Variants in COLGALT2 observed in about 807,000 individuals in gnomAD.
COLGALT2 encodes the protein collagen beta(1-O)galactosyltransferase 2.
COLGALT2 carries 49 observed loss-of-function variants against 73.4 expected under a neutral mutation model. That is an observed-to-expected ratio of 0.67 (90% CI 0.53 to 0.85). COLGALT2 has a LOEUF of 0.85. COLGALT2 is among the 40% of genes least tolerant of loss of function. COLGALT2 has a pLI of 0.00. For synonymous variants in COLGALT2, 295 were observed against 307.6 expected (o/e 0.96, Z 0.43); for missense variants, 722 against 790.2 (o/e 0.91, Z 1.03).
intron 7 of COLGALT2, 135 bp downstream of exon 7, chr1:183,954,627 C>T (rs749316096): frequency 7.3e-6 from 4 of 544,490 alleles, no homozygotes; most frequent in Non-Finnish European, 1.3e-5. Flanking sequence ...GTAGTTTTCC[C>T]AAGACCTCAG....
intron 1 of COLGALT2, among the ~76,000 whole-genome samples, chr1:183,990,656 T>G (rs1003696682): frequency 3.9e-5 from 6 of 151,960 alleles, no homozygotes; most frequent in African/African-American, 1.5e-4. Context: ...TGAGCAGACA[T>G]TAAGGGAAGG....
Position 183,938,408 on chromosome 1 carries a change from C to T in COLGALT2, c.*353G>A, listed in dbSNP as rs1340377444. The T allele has an allele frequency of 4.2e-5, 45 of 1,076,850 alleles. No homozygotes were observed. Among genetic ancestry groups the T allele is most frequent in the Non-Finnish European group, 4.7e-5 (42 of 887,062 alleles). 66.7% of individuals were successfully genotyped at this position (1,076,850 alleles called of 1,614,324 possible). A position where few individuals can be genotyped will look rare whatever the true frequency, so the allele number is the denominator to read the frequency against. On this transcript the variant is annotated 3_prime_UTR_variant, in exon 12 of 12. Coordinates refer to ENST00000361927, the MANE Select transcript of COLGALT2 (RefSeq NM_015101.4). The stretch of plus-strand genomic sequence containing the variant: ...CTACATATTTGCTGATGTGACAGCT[C>T]GGTGATCACTTTCTCTTGAACAAGA...
At position 184,037,078 on chromosome 1, in the gene COLGALT2, G is replaced by C. The variant is rs1209511073; in HGVS notation, c.263+17C>G. 1.3e-6 allele frequency: 2 copies of C among 1,539,638 alleles called. No homozygotes were observed. ...CCCGCGTCCCGCCGCGGCGGCCCGG[G>C]GCCCGTGCGCGCTCACCAGATGGCC... On this transcript the variant is annotated intron_variant, in intron 1 of 11. Transcript: ENST00000361927.
Position 184,037,599 on chromosome 1 carries a change from C to G in COLGALT2, c.-242G>C. ...AGCGTACCTGCAGCCGCTGGCGCTC[C>G]CCTGCGCCTCGGGCTCGCAGACAGT... On this transcript the variant is annotated 5_prime_UTR_variant, in exon 1 of 12. Coordinates refer to ENST00000361927, the MANE Select transcript of COLGALT2 (RefSeq NM_015101.4). 4.6e-6 allele frequency: 5 copies of G among 1,081,434 alleles called. No individual in the cohort carries two copies. Among genetic ancestry groups the G allele is most frequent in the Non-Finnish European group, 5.6e-6 (5 of 893,358 alleles). The allele number at this position is 1,081,434 out of a possible 1,614,324, so 67.0% of individuals were successfully genotyped here.
intron 1 of COLGALT2, among the ~76,000 whole-genome samples, chr1:183,984,598 G>T (rs1343678340): frequency 6.6e-6 from 1 of 152,192 alleles, no homozygotes; most frequent in Non-Finnish European, 1.5e-5. Context: ...CAGTGCTCAT[G>T]GTTGGCCACC....
intron 6 of COLGALT2, among the ~76,000 whole-genome samples, chr1:183,956,279 C>T (rs993254564): frequency 2.0e-5 from 3 of 152,326 alleles, no homozygotes; most frequent in Admixed American, 1.3e-4. Flanking sequence ...AATTCTAGAA[C>T]GTAGTGAGAC....
chr1:183,937,119 A>G lies in COLGALT2; in HGVS notation c.*1642T>C. 8.1e-7 allele frequency: 1 copy of G among 1,230,148 alleles called. No homozygotes were observed. The highest frequency in any genetic ancestry group is 1.0e-6 in the Non-Finnish European group (1 of 987,450). 76.2% of individuals were successfully genotyped at this position (1,230,148 alleles called of 1,614,324 possible). ...AAAGTGTATCTTACACTCGTACACT[A>G]AGCTTGTGTATGTAGCACCACCCGC... On this transcript the variant is annotated 3_prime_UTR_variant, in exon 12 of 12. Transcript: ENST00000361927.
intron 7 of COLGALT2, among the ~76,000 whole-genome samples, chr1:183,952,857 T>C (rs886142381): frequency 2.0e-5 from 3 of 152,212 alleles, no homozygotes; most frequent in Non-Finnish European, 4.4e-5. Context: ...CTTTATAACT[T>C]AATGGGTTGT....
Position 183,969,251 on chromosome 1 carries a change from A to G in COLGALT2, c.832+18T>C, listed in dbSNP as rs1164251067. The G allele has an allele frequency of 3.7e-6, 6 of 1,600,100 alleles. No individual in the cohort carries two copies. Among genetic ancestry groups the G allele is most frequent in the Admixed American group, 3.4e-5 (2 of 58,624 alleles). On this transcript the variant is annotated intron_variant, in intron 5 of 11. Coordinates refer to ENST00000361927, the MANE Select transcript of COLGALT2 (RefSeq NM_015101.4). ...GCTGTGTCTCCATTGTGGCACTACA[A>G]CCAAAGACAAACAGTACCTGCTTGC... is the stretch of plus-strand genomic sequence containing the variant.
chr1:183,962,781 C>T (rs1217875827), intron 6 of COLGALT2, among the ~76,000 whole-genome samples: 6 of 152,198 alleles, frequency 3.9e-5, no homozygotes, highest in Non-Finnish European at 8.8e-5. Flanking sequence ...GCATGCTCCA[C>T]CTACACTTTT....
chr1:183,946,888 G>A (rs775555964), intron 8 of COLGALT2, among the ~76,000 whole-genome samples: 3 of 152,080 alleles, frequency 2.0e-5, no homozygotes, highest in East Asian at 1.9e-4. Flanking sequence ...AAAATTAGCC[G>A]GCCATGGTGG....
intron 1 of COLGALT2, among the ~76,000 whole-genome samples, chr1:184,006,960 T>C (rs542044593): frequency 1.1e-3 from 169 of 152,346 alleles, no homozygotes; most frequent in African/African-American, 3.9e-3. Flanking sequence ...ACTTGGTTGT[T>C]CATTCTAGTT....
At chr1:184,027,802 C>G (rs1412828937) in intron 1 of COLGALT2, among the ~76,000 whole-genome samples, 2 of 152,178 alleles carry the variant, frequency 1.3e-5, no homozygotes, top group Admixed American at 1.3e-4. Context: ...TTATTAAAAT[C>G]TAACAAGATT....
Position 183,954,838 on chromosome 1 carries a change from A to G in COLGALT2, c.953T>C (p.Ile318Thr), listed in dbSNP as rs184755208. The G allele has an allele frequency of 1.6e-4, 261 of 1,611,070 alleles. No individual in the cohort carries two copies. In the Middle Eastern group the frequency reaches 1.7e-3, roughly 10 times the overall value. ...GGAGGGTTCCATTGGAGGACGGTCA[A>G]CTGGAAGACACAAGAAACATGCAGA... Reference protein sequence around the residue: ...NLIHVQIEAMIDRPPMEPSQY... With the variant: ...NLIHVQIEAMTDRPPMEPSQY... Residue 318 changes from isoleucine (I) to threonine (T), a missense_variant and splice_region_variant, in exon 7 of 12, where the codon ATT becomes ACT. Transcript: ENST00000361927.
At chr1:183,941,307 A>C (rs1670100743) in intron 10 of COLGALT2, among the ~76,000 whole-genome samples, 1 of 152,154 alleles carries the variant, frequency 6.6e-6, no homozygotes, top group African/African-American at 2.4e-5. Context: ...GAGTGGCCCT[A>C]AGGGGTTCCT....
intron 7 of COLGALT2, 98 bp from the exon 8 acceptor site, chr1:183,951,211 G>A (rs1453615295): frequency 1.2e-6 from 1 of 823,506 alleles, no homozygotes; most frequent in East Asian, 2.5e-5. Flanking sequence ...AGAAGAAGGA[G>A]TGGAAAAGAT....
At chr1:184,001,414 T>C (rs532338730) in intron 1 of COLGALT2, among the ~76,000 whole-genome samples, 15 of 152,170 alleles carry the variant, frequency 9.9e-5, no homozygotes, top group Non-Finnish European at 1.9e-4. Context: ...TATGTCCAAG[T>C]ACTGTCTATC....
intron 1 of COLGALT2, among the ~76,000 whole-genome samples, chr1:184,032,513 T>C (rs1649545228): frequency 6.6e-6 from 1 of 152,222 alleles, no homozygotes; most frequent in Admixed American, 6.5e-5. Context: ...ATTTATGCTC[T>C]AGTCTATCTG....
chr1:184,037,552 C>G lies in COLGALT2; in HGVS notation c.-195G>C. ...GACCCTCCCGCCGCCGCTGCACCGC[C>G]CAGGCCCCAGTGCGGGTGCGCAGCG... On this transcript the variant is annotated 5_prime_UTR_variant, in exon 1 of 12. Coordinates refer to ENST00000361927, the MANE Select transcript of COLGALT2 (RefSeq NM_015101.4). 8.9e-7 allele frequency: 1 copy of G among 1,120,944 alleles called. No homozygotes were observed. The allele number at this position is 1,120,944 out of a possible 1,614,324, so 69.4% of individuals were successfully genotyped here. A position where few individuals can be genotyped will look rare whatever the true frequency, so the allele number is the denominator to read the frequency against.
Sources: gnomAD v4.1 joint callset for allele counts (sites outside exome capture counted in the v4.1 genomes callset) on GRCh38, gnomAD v4.1.1 for gene constraint, MANE v1.5 for transcripts, NCBI Gene and HGNC (gene_info 2026-07-23, HGNC 2026-07-21) for gene names.